ADAMTSL2: variants seen among roughly 807,000 people sequenced by gnomAD.
ADAMTSL2 encodes ADAMTS-like protein 2.
A neutral mutation model predicts 117.0 loss-of-function variants in ADAMTSL2; 55 were observed. That is an observed-to-expected ratio of 0.47 (90% confidence interval 0.38 to 0.59). The LOEUF (loss-of-function observed/expected upper bound fraction) is 0.59. Among genes scored for constraint, ADAMTSL2 ranks in the 20% least tolerant of loss-of-function variants. ADAMTSL2 has a pLI of 0.00. For missense variants in ADAMTSL2, 1,182 were observed against 1,354.5 expected (o/e 0.87, Z 2.00); for synonymous variants, 572 against 566.4 (o/e 1.01, Z -0.14).
In ADAMTSL2 at chr9:133,534,791, G is replaced by T. The variant is rs974533213; in HGVS notation, c.-277G>T. On this transcript the variant is annotated 5_prime_UTR_variant, in exon 1 of 19. Transcript: ENST00000651351. ...GCGGCGCGGGGGAGGAGGGGAAGGGGAGAGGGAGGCCGGGCCGCAGCCTCT... is the reference window on the plus strand; with the variant it reads ...GCGGCGCGGGGGAGGAGGGGAAGGGTAGAGGGAGGCCGGGCCGCAGCCTCT... 1 of 1,483,838 alleles carries T rather than the reference G, an allele frequency of 6.7e-7. No individual in the cohort carries two copies. Among genetic ancestry groups the T allele is most frequent in the Non-Finnish European group, 9.0e-7 (1 of 1,112,106 alleles). 91.9% of individuals were successfully genotyped at this position (1,483,838 alleles called of 1,614,324 possible).
chr9:133,573,904 A>G lies in ADAMTSL2; in HGVS notation c.2654A>G (p.Asp885Gly). ...GACGTCAAGTGCTACCAGGGGACCG[A>G]CATCGTCCGTGGTTGCGATCCGTTG... The part of the protein sequence containing the change: ...MRDVKCYQGT[D>G]IVRGCDPLVK... The change falls in exon 18 of 19, where the codon GAC (aspartate) becomes GGC (glycine). Residue 885 changes from aspartate (D) to glycine (G), a missense_variant. This residue lies in a region of ADAMTSL2 where 465 missense variants were observed against 565.3 expected (regional missense o/e 0.82). Coordinates refer to ENST00000651351, the MANE Select transcript of ADAMTSL2 (RefSeq NM_014694.4). 1 of 1,614,094 alleles carries G rather than the reference A, an allele frequency of 6.2e-7. No homozygotes were observed. The highest frequency in any genetic ancestry group is 1.1e-5 in the South Asian group (1 of 91,082).
Position 133,540,872 on chromosome 9 carries a change from C to G in ADAMTSL2, c.559-6C>G, listed in dbSNP as rs1219632491. ...CCAGCAGCCCTCTCCCTCTCCCTTC[C>G]TGCAGCCCATCGGCTGTGACGGGGT... On this transcript the variant is annotated splice_polypyrimidine_tract_variant and splice_region_variant and intron_variant, in intron 6 of 18. Transcript: ENST00000651351. 1 of 1,613,430 alleles carries G rather than the reference C, an allele frequency of 6.2e-7. No homozygotes were observed. Among genetic ancestry groups the G allele is most frequent in the Admixed American group, 1.7e-5 (1 of 60,022 alleles).
chr9:133,568,085 C>A (rs1342061974), intron 13 of ADAMTSL2, among the ~76,000 whole-genome samples, 188 bp from the exon 14 acceptor site: 1 of 152,230 alleles, frequency 6.6e-6, no homozygotes, highest in Non-Finnish European at 1.5e-5. Context: ...TGAAGACCTC[C>A]GGGGCCGTCA....
rs191009072 is a variant in ADAMTSL2 at position 133,539,779 on chromosome 9, G to A, written c.318G>A (p.Pro106=). The part of the protein sequence containing the change: ...RYQLCRVQEC[P]PDGRSFREEQ... ...GTCCCTTCGCTTCCCAGGAGTGTCC[G>A]CCGGACGGGAGGAGCTTCCGCGAGG... Residue 106 remains proline (P), a synonymous_variant, in exon 5 of 19, where the codon CCG becomes CCA. Coordinates refer to ENST00000651351, the MANE Select transcript of ADAMTSL2 (RefSeq NM_014694.4). 364 of 1,507,780 alleles carry A rather than the reference G, an allele frequency of 2.4e-4. 1 individual carries two copies. The East Asian group carries it at 6.2e-3, about 25-fold the overall frequency. 93.4% of individuals were successfully genotyped at this position (1,507,780 alleles called of 1,614,324 possible). A position where few individuals can be genotyped will look rare whatever the true frequency, so the allele number is the denominator to read the frequency against.
Position 133,555,762 on chromosome 9 carries a change from G to A in ADAMTSL2, c.1481G>A (p.Ser494Asn), listed in dbSNP as rs1359911496. 2 of 1,613,968 alleles carry A rather than the reference G, an allele frequency of 1.2e-6. No homozygotes were observed. The highest frequency in any genetic ancestry group is 3.3e-5 in the Admixed American group (2 of 60,010). ...GCCCCAAGGAGCTCCCTGGCCGAGA[G>A]CTTCTTCGTGGATTATGAGGAGAAC... is the stretch of plus-strand genomic sequence containing the variant. ...QGAPRSSLAE[S>N]FFVDYEENEG... is the part of the protein sequence containing the mutation. The change falls in exon 11 of 19, where the codon AGC becomes AAC. Residue 494 changes from serine (S) to asparagine (N), a missense_variant. Physicochemically the swap from Ser to Asn is conservative, Grantham distance 46 (BLOSUM62 1). Transcript: ENST00000651351.
At chr9:133,552,497 C>T (rs1380465636) in intron 9 of ADAMTSL2, among the ~76,000 whole-genome samples, 14 of 152,254 alleles carry the variant, frequency 9.2e-5, no homozygotes, top group African/African-American at 2.6e-4. Context: ...GGAGCGGGAG[C>T]GTAAGTGTAG....
Position 133,555,898 on chromosome 9 carries a change from C to T in ADAMTSL2, c.1617C>T (p.Leu539=), listed in dbSNP as rs1830594947. The change falls in exon 11 of 19, where the codon CTC becomes CTT. Residue 539 remains leucine (L), a synonymous_variant. Transcript: ENST00000651351. ...TCCCCAACGTTAGCACCAGCCTGCT[C>T]ACCTCGGCCGGGAACAGGACTCACA... ...APFPNVSTSL[L]TSAGNRTHKA... The T allele has an allele frequency of 6.2e-7, 1 of 1,612,862 alleles. No individual in the cohort carries two copies. Among genetic ancestry groups the T allele is most frequent in the Non-Finnish European group, 8.5e-7 (1 of 1,179,928 alleles).
At position 133,565,199 on chromosome 9, in the gene ADAMTSL2, C is replaced by T. The variant is rs13295066; in HGVS notation, c.1748-1737C>T. On this transcript the variant is annotated intron_variant, in intron 12 of 18. Coordinates refer to ENST00000651351, the MANE Select transcript of ADAMTSL2 (RefSeq NM_014694.4). ...CAGGGGGTTTGAAAAGCACCGTTTT[C>T]GAGATGGGTGTCATGAAGAGGGTGC... Among the ~76,000 whole-genome samples the T allele has an allele frequency of 2.4e-3, 360 of 152,188 alleles. 1 individual carries two copies. Among genetic ancestry groups the T allele is most frequent in the Non-Finnish European group, 4.1e-3 (277 of 67,992 alleles).
chr9:133,544,405 G>A (rs1329517334), intron 7 of ADAMTSL2, 65 bp from the exon 8 acceptor site: 3 of 1,334,732 alleles, frequency 2.2e-6, no homozygotes, highest in African/African-American at 2.9e-5. Context: ...CTGTGGAGTG[G>A]GCGAGTGCCA....
At chr9:133,568,560 A>G (rs963307977) in intron 14 of ADAMTSL2, 43 bp from the exon 15 acceptor site, 7 of 1,556,188 alleles carry the variant, frequency 4.5e-6, no homozygotes, top group Non-Finnish European at 4.3e-6. Context: ...AGGTGGCTAC[A>G]CCTGTGTCAC....
intron 12 of ADAMTSL2, among the ~76,000 whole-genome samples, chr9:133,563,022 C>G (rs949657583): frequency 4.6e-5 from 7 of 152,140 alleles, no homozygotes; most frequent in African/African-American, 7.2e-5. Context: ...TGGGCACCGG[C>G]TTGGCCAGGC....
intron 17 of ADAMTSL2, among the ~76,000 whole-genome samples, 155 bp downstream of exon 17, chr9:133,570,662 A>T (rs1588311255): frequency 6.6e-6 from 1 of 151,972 alleles, no homozygotes; most frequent in Non-Finnish European, 1.5e-5. Flanking sequence ...TCTCAACTCC[A>T]CCACGTCAGC....
intron 3 of ADAMTSL2, 149 bp from the exon 4 acceptor site, chr9:133,538,200 G>T (rs1830098584): frequency 2.3e-6 from 2 of 861,644 alleles, no homozygotes; most frequent in African/African-American, 1.6e-5. Context: ...TCTGGTGTGT[G>T]TACGGGGTGG....
chr9:133,534,645 T>G, upstream of ADAMTSL2: 3 of 1,314,796 alleles, frequency 2.3e-6, no homozygotes, highest in Non-Finnish European at 2.9e-6. Flanking sequence ...GTGGGAAGTG[T>G]GAGTGTTCCT....
At position 133,568,380 on chromosome 9, in the gene ADAMTSL2, T is replaced by A; in HGVS notation, c.1982T>A (p.Val661Glu). The part of the protein sequence containing the change: ...KMLSPGFDSS[V>E]YSDLCEAAEA... The stretch of plus-strand genomic sequence containing the variant: ...CTCTCGCCCGGCTTCGACAGCTCCG[T>A]GTACAGCGACCTGTGCGAGGCAGCC... Residue 661 changes from valine (V) to glutamate (E), a missense_variant, in exon 14 of 19, where the codon GTG becomes GAG. Val to Glu is a moderately radical substitution (Grantham distance 121, BLOSUM62 -2). This residue lies in a region of ADAMTSL2 where 465 missense variants were observed against 565.3 expected (regional missense o/e 0.82). Coordinates refer to ENST00000651351, the MANE Select transcript of ADAMTSL2 (RefSeq NM_014694.4). 1 of 1,606,192 alleles carries A rather than the reference T, an allele frequency of 6.2e-7. No individual in the cohort carries two copies. The highest frequency in any genetic ancestry group is 8.5e-7 in the Non-Finnish European group (1 of 1,177,174).
At chr9:133,562,607 G>A in intron 12 of ADAMTSL2, among the ~76,000 whole-genome samples, 3 of 114,662 alleles carry the variant, frequency 2.6e-5, no homozygotes, top group African/African-American at 3.4e-5. Context: ...CGTGGGCGGC[G>A]TGGCGGGCAC....
At chr9:133,553,665 G>T (rs775559585) in intron 9 of ADAMTSL2, among the ~76,000 whole-genome samples, 18 of 152,164 alleles carry the variant, frequency 1.2e-4, no homozygotes, top group Non-Finnish European at 1.9e-4. Flanking sequence ...CTGCCAGCCC[G>T]TGACCCTCTC....
At chr9:133,569,087 C>T (rs1028751768) in intron 15 of ADAMTSL2, among the ~76,000 whole-genome samples, 1 of 152,042 alleles carries the variant, frequency 6.6e-6, no homozygotes, top group Non-Finnish European at 1.5e-5. Flanking sequence ...CTCCCCATCT[C>T]TGTCTCTCTG....
Position 133,536,568 on chromosome 9 carries a change from G to A in ADAMTSL2, c.-145G>A. 1 of 1,577,950 alleles carries A rather than the reference G, an allele frequency of 6.3e-7. No homozygotes were observed. The highest frequency in any genetic ancestry group is 8.6e-7 in the Non-Finnish European group (1 of 1,159,924). ...GGGTTCATCCTTCCCAACAGGGTCT[G>A]CCAGACAACCACGACCAACTAGTCC... On this transcript the variant is annotated 5_prime_UTR_variant, in exon 2 of 19. Coordinates refer to ENST00000651351, the MANE Select transcript of ADAMTSL2 (RefSeq NM_014694.4).
Sources: gnomAD v4.1 joint callset for allele counts (sites outside exome capture counted in the v4.1 genomes callset) on GRCh38, gnomAD v4.1.1 for gene constraint, gnomAD v4.1.1 regional missense constraint, MANE v1.5 for transcripts, NCBI Gene and HGNC (gene_info 2026-07-23, HGNC 2026-07-21) for gene names.